Variants in GTF3C3 observed in about 807,000 individuals in gnomAD.
GTF3C3 encodes general transcription factor IIIC subunit 3.
A neutral mutation model predicts 105.2 loss-of-function variants in GTF3C3; 75 were observed. The observed-to-expected ratio is 0.71, with a 90% CI of 0.59 to 0.86. The LOEUF (loss-of-function observed/expected upper bound fraction) is 0.86, where lower values mean the gene tolerates loss of function less well. Among genes scored for constraint, GTF3C3 ranks in the 40% least tolerant of loss-of-function variants. The pLI, the probability that GTF3C3 is intolerant of heterozygous loss-of-function variation, is 0.00. For synonymous variants in GTF3C3, 335 were observed against 370.4 expected, an observed-to-expected ratio of 0.90 and a Z score of 1.10; for missense variants, 856 against 1,076.5, an observed-to-expected ratio of 0.80 and a Z score of 2.87.
intron 16 of GTF3C3, among the ~76,000 whole-genome samples, chr2:196,769,661 T>C (rs548900636): frequency 1.4e-3 from 214 of 152,286 alleles, no homozygotes; most frequent in African/African-American, 4.9e-3. Context: ...TGCCAGTGCA[T>C]TCCTCCAGAT....
intron 1 of GTF3C3, among the ~76,000 whole-genome samples, chr2:196,798,155 C>T (rs938591292): frequency 2.0e-5 from 3 of 152,022 alleles, no homozygotes; most frequent in African/African-American, 7.2e-5. Flanking sequence ...TATATCTTAC[C>T]CTTCAATCTG....
At chr2:196,789,436 C>T (rs1699509949) in intron 5 of GTF3C3, 67 bp from the exon 6 acceptor site, 1 of 1,085,840 alleles carries the variant, frequency 9.2e-7, no homozygotes, top group African/African-American at 1.6e-5. Context: ...TGTGATCCAT[C>T]ATCTCAGAAA....
At chr2:196,766,188 T>C (rs1048561835) in intron 17 of GTF3C3, among the ~76,000 whole-genome samples, 2 of 152,134 alleles carry the variant, frequency 1.3e-5, no homozygotes, top group Non-Finnish European at 2.9e-5. Flanking sequence ...CACTTTACCC[T>C]ATCTTAAAAA....
intron 9 of GTF3C3, chr2:196,780,347 T>G (rs1699326315): frequency 2.5e-6 from 3 of 1,189,502 alleles, no homozygotes; most frequent in Admixed American, 7.0e-5. Context: ...TAGATTGTTA[T>G]TTTAAAAGAA....
At chr2:196,781,809 A>C (rs946187652) in intron 8 of GTF3C3, among the ~76,000 whole-genome samples, 1 of 152,144 alleles carries the variant, frequency 6.6e-6, no homozygotes, top group Non-Finnish European at 1.5e-5. Flanking sequence ...CTACCATGTA[A>C]ATTTACTCAC....
chr2:196,774,967 T>G, intron 13 of GTF3C3, 149 bp downstream of exon 13: 1 of 490,256 alleles, frequency 2.0e-6, no homozygotes, highest in African/African-American at 2.0e-5. Flanking sequence ...TAACATCGAA[T>G]GAGTTTATTA....
intron 4 of GTF3C3, among the ~76,000 whole-genome samples, chr2:196,790,929 T>C (rs1699535914): frequency 6.6e-6 from 1 of 152,090 alleles, no homozygotes; most frequent in South Asian, 2.1e-4. Flanking sequence ...ATGTCCAAGA[T>C]ACACCATTTA....
intron 15 of GTF3C3, among the ~76,000 whole-genome samples, chr2:196,771,052 T>A (rs147061713): frequency 7.2e-5 from 11 of 152,308 alleles, no homozygotes; most frequent in Non-Finnish European, 1.2e-4. Flanking sequence ...AAGACATGCA[T>A]GCCTAATTTT....
chr2:196,776,064 G>T lies in GTF3C3; in HGVS notation c.1641C>A (p.Gly547=). The change falls in exon 12 of 18, where the codon GGC becomes GGA. Residue 547 remains glycine, a synonymous_variant. Transcript: ENST00000263956. This position sits in a 1 kb window ranked among gnomAD's most constrained non-coding sequence, Gnocchi z 4.5. ...AGGTATCCACATAACCATACATTTTGCCTTGTGAAAACAACAGAGTAGAAC... is the reference window on the plus strand; with the variant it reads ...AGGTATCCACATAACCATACATTTTTCCTTGTGAAAACAACAGAGTAGAAC... ...LHRSTLLFSQ[G]KMYGYVDTLL... 6.2e-7 allele frequency: 1 copy of T among 1,600,870 alleles called. No individual in the cohort carries two copies. The highest frequency in any genetic ancestry group is 8.5e-7 in the Non-Finnish European group (1 of 1,172,950).
Position 196,791,436 on chromosome 2 carries a change from G to A in GTF3C3, c.436C>T (p.Pro146Ser). 1 of 1,613,784 alleles carries A rather than the reference G, an allele frequency of 6.2e-7. No homozygotes were observed. Among genetic ancestry groups the A allele is most frequent in the Non-Finnish European group, 8.5e-7 (1 of 1,179,728 alleles). The change falls in exon 4 of 18, where the codon CCC becomes TCC. Residue 146 changes from proline to serine, a missense_variant. Physicochemically the swap from Pro to Ser is moderately conservative, Grantham distance 74 (BLOSUM62 -1). Coordinates refer to ENST00000263956, the MANE Select transcript of GTF3C3 (RefSeq NM_012086.5). ...MKEKRPRSKL[P>S]RALRGLMGEA... is the part of the protein sequence containing the mutation. ...CCCATGAGACCTCTCAGAGCTCTGG[G>A]AAGTTTACTCCGAGGCCTTTTCTCC...
intron 2 of GTF3C3, among the ~76,000 whole-genome samples, chr2:196,794,013 C>T (rs1699596518): frequency 6.6e-6 from 1 of 151,976 alleles, no homozygotes; most frequent in East Asian, 1.9e-4. Flanking sequence ...AAGAGGGGAC[C>T]TTTAAGAGGG....
chr2:196,790,743 A>T (rs1699532545), intron 4 of GTF3C3, among the ~76,000 whole-genome samples: 1 of 152,156 alleles, frequency 6.6e-6, no homozygotes, highest in Admixed American at 6.6e-5. Context: ...TAAGACTTCT[A>T]AAAGGACCCT....
At chr2:196,796,948 T>A (rs1699657465) in intron 2 of GTF3C3, among the ~76,000 whole-genome samples, 1 of 152,214 alleles carries the variant, frequency 6.6e-6, no homozygotes, top group African/African-American at 2.4e-5. Flanking sequence ...TTTCCTCACT[T>A]GGTCCAGGGA....
At chr2:196,770,647 T>C (rs1699156064) in intron 15 of GTF3C3, among the ~76,000 whole-genome samples, 1 of 152,148 alleles carries the variant, frequency 6.6e-6, no homozygotes, top group Non-Finnish European at 1.5e-5. Flanking sequence ...TCATATGCAG[T>C]AGGGGTATTT....
chr2:196,769,326 A>G (rs941306505), intron 16 of GTF3C3, among the ~76,000 whole-genome samples: 1 of 152,320 alleles, frequency 6.6e-6, no homozygotes, highest in East Asian at 1.9e-4. Flanking sequence ...TGTCTATACC[A>G]TATCATATTT....
chr2:196,781,357 A>AAAAAATATATATATAT, intron 8 of GTF3C3, among the ~76,000 whole-genome samples: 3 of 18,820 alleles, frequency 1.6e-4, no homozygotes, highest in African/African-American at 2.1e-4. Flanking sequence ...AAAAAAAAAA[A>AAAAAATATATATATAT]ATATATATAT....
chr2:196,791,465 A>C lies in GTF3C3; in HGVS notation c.412-5T>G. ...TTTACTCCGAGGCCTTTTCTCCTGT[A>C]TGGAAGAAAAATGACATTTAGATTA... is the stretch of plus-strand genomic sequence containing the variant. On this transcript the variant is annotated splice_region_variant and splice_polypyrimidine_tract_variant and intron_variant, in intron 3 of 17. Coordinates refer to ENST00000263956, the MANE Select transcript of GTF3C3 (RefSeq NM_012086.5). 6.2e-7 allele frequency: 1 copy of C among 1,607,966 alleles called. No individual in the cohort carries two copies. The highest frequency in any genetic ancestry group is 8.5e-7 in the Non-Finnish European group (1 of 1,176,730).
chr2:196,797,666 A>C, intron 2 of GTF3C3, 131 bp downstream of exon 2: 5 of 626,282 alleles, frequency 8.0e-6, no homozygotes, highest in Non-Finnish European at 1.2e-5. Flanking sequence ...TATATAACCA[A>C]GCATTCTGTT....
rs57683313 is a variant in GTF3C3 at position 196,780,215 on chromosome 2, CTT to C, written c.1218+342_1218+343del. 417 of 796,260 alleles carry C rather than the reference CTT, an allele frequency of 5.2e-4. 5 individuals are homozygous for C. In the East Asian group the frequency reaches 0.019, roughly 37 times the overall value. 49.3% of individuals were successfully genotyped at this position (796,260 alleles called of 1,614,324 possible). ...AGGTTTACAAAGTAGATGCTAAGTA[CTT>C]TTTTTTTTTCAATAATATACTTGGT... On this transcript the variant is annotated intron_variant, in intron 9 of 17. Coordinates refer to ENST00000263956, the MANE Select transcript of GTF3C3 (RefSeq NM_012086.5).
Sources: gnomAD v4.1 joint callset for allele counts (sites outside exome capture counted in the v4.1 genomes callset) on GRCh38, gnomAD v4.1.1 for gene constraint, Gnocchi (gnomAD v3.1) non-coding constraint, MANE v1.5 for transcripts, NCBI Gene and HGNC (gene_info 2026-07-23, HGNC 2026-07-21) for gene names.